The following PKLR variants were observed in gnomAD, a reference collection of about 807,000 sequenced individuals.
PKLR encodes the protein pyruvate kinase PKLR.
A neutral mutation model predicts 53.6 loss-of-function variants in PKLR; 38 were observed. The observed-to-expected ratio is 0.71, with a 90% confidence interval of 0.55 to 0.93. The LOEUF (loss-of-function observed/expected upper bound fraction) is 0.93. Ranked by LOEUF, PKLR falls within the 40% of genes least tolerant of loss-of-function variation. PKLR has a pLI of 0.00. For missense variants in PKLR, 702 were observed against 787.3 expected, an observed-to-expected ratio of 0.89 and a Z score of 1.30; for synonymous variants, 328 against 316.2, an observed-to-expected ratio of 1.04 and a Z score of -0.39.
rs1367875373 is a variant in PKLR at position 155,293,467 on chromosome 1, G to A, written c.1240C>T (p.Pro414Ser). The change falls in exon 8 of 11, where the codon CCT becomes TCT. Residue 414 changes from proline to serine, a missense_variant. Pro to Ser is a moderately conservative substitution (Grantham distance 74). Transcript: ENST00000342741. The surrounding 1 kb of genome is among the most constrained non-coding windows in gnomAD (Gnocchi z 4.2). ...LSGETAKGNF[P>S]VEAVKMQHAI... ...TGCTGCATCTTCACCGCTTCCACAG[G>A]GAAGTTGCCCTTGGCAGTCTCCCCT... The A allele has an allele frequency of 1.2e-6, 2 of 1,614,212 alleles. No individual in the cohort carries two copies. Among genetic ancestry groups the A allele is most frequent in the Admixed American group, 3.3e-5 (2 of 60,026 alleles).
At chr1:155,299,574 T>C (rs1458756327) in intron 2 of PKLR, among the ~76,000 whole-genome samples, 1 of 129,826 alleles carries the variant, frequency 7.7e-6, no homozygotes, top group Non-Finnish European at 1.6e-5. Context: ...TGGTGTGATC[T>C]CGGCTCACCA....
Position 155,291,853 on chromosome 1 carries a change from G to C in PKLR, c.1521C>G (p.His507Gln). The change falls in exon 10 of 11, where the codon CAC becomes CAG. Residue 507 changes from histidine (H) to glutamine (Q), a missense_variant. His to Gln is a conservative substitution (Grantham distance 24, BLOSUM62 0). Around this residue, in one of 2 missense-constraint regions of PKLR, gnomAD observed 183 missense variants for 250.2 expected, o/e 0.73. Coordinates refer to ENST00000342741, the MANE Select transcript of PKLR (RefSeq NM_000298.6). ...TRSAQAARQV[H>Q]LCRGVFPLLY... ...GCAAGGGGAAGACTCCTCGGCATAA[G>C]TGGACCTGGCGGGCAGCCTGGGCAG... 6.2e-7 allele frequency: 1 copy of C among 1,614,140 alleles called. No individual in the cohort carries two copies.
At chr1:155,303,859 G>A (rs913475972), upstream of PKLR, among the ~76,000 whole-genome samples, 47 of 152,210 alleles carry the variant, frequency 3.1e-4, no homozygotes, top group African/African-American at 1.1e-3. Context: ...TTTTGAAGCT[G>A]AAATTTGAAG....
intron 1 of PKLR, 132 bp from the exon 2 acceptor site, chr1:155,300,412 C>T (rs1647924524): frequency 1.4e-6 from 1 of 717,376 alleles, no homozygotes; most frequent in African/African-American, 1.8e-5. Context: ...TATTATGTCA[C>T]AAGGATCCTA....
chr1:155,301,391 G>A lies in PKLR; in HGVS notation c.5C>T (p.Ser2Leu), dbSNP rs774176341. ...CAGGGATGATATGTTCTCCTGGATC[G>A]ACATGCTTTCAGTGTGGGCCTGGGG... Reference protein sequence around the residue: MSIQENISSLQL... With the variant: MLIQENISSLQL... The change falls in exon 1 of 11, where the codon TCG becomes TTG. Residue 2 changes from serine to leucine, a missense_variant. Around this residue, in one of 2 missense-constraint regions of PKLR, gnomAD observed 519 missense variants for 537.1 expected, o/e 0.97. Transcript: ENST00000342741. 5 of 1,613,812 alleles carry A rather than the reference G, an allele frequency of 3.1e-6. No individual in the cohort carries two copies. Among genetic ancestry groups the A allele is most frequent in the Admixed American group, 1.7e-5 (1 of 59,976 alleles).
chr1:155,299,489 C>T (rs1471569343), intron 2 of PKLR, among the ~76,000 whole-genome samples: 1 of 119,158 alleles, frequency 8.4e-6, no homozygotes, highest in Non-Finnish European at 1.7e-5. Context: ...GAGCCCAGCC[C>T]ACTTTTTTTT....
upstream of PKLR, among the ~76,000 whole-genome samples, chr1:155,304,374 C>A (rs554839342): frequency 4.4e-5 from 6 of 137,858 alleles, no homozygotes; most frequent in Admixed American, 1.7e-4. Flanking sequence ...GCAGAGGTTG[C>A]AGTGAGCCGA....
chr1:155,290,834 C>T (rs143970593), intron 10 of PKLR, among the ~76,000 whole-genome samples, 156 bp from the exon 11 acceptor site: 3,347 of 151,596 alleles, frequency 0.022, 125 homozygotes, highest in African/African-American at 0.077. Context: ...ACTGAAAATA[C>T]AAAAATTAGC....
Position 155,294,500 on chromosome 1 carries a change from T to C in PKLR, c.947A>G (p.Asn316Ser). ...GCCTCACCTCTTCACGCCTTCGTGG[T>C]TCTCAATTTTGCTGATGATCTTGAT... ...HGIKIISKIE[N>S]HEGVKRFDEI... is the part of the protein sequence containing the mutation. Residue 316 changes from asparagine (N) to serine (S), a missense_variant, in exon 6 of 11, where the codon AAC (asparagine) becomes AGC (serine). By Grantham distance (46) the Asn-to-Ser change is conservative (BLOSUM62 1). Transcript: ENST00000342741. The C allele has an allele frequency of 1.9e-6, 3 of 1,614,174 alleles. No individual in the cohort carries two copies. The highest frequency in any genetic ancestry group is 2.5e-6 in the Non-Finnish European group (3 of 1,180,020).
chr1:155,304,460 G>A (rs199868037), upstream of PKLR, among the ~76,000 whole-genome samples: 5 of 87,182 alleles, frequency 5.7e-5, no homozygotes, highest in Non-Finnish European at 2.4e-5. Flanking sequence ...AAAAAAAAAA[G>A]AACAGATGGT....
Position 155,295,744 on chromosome 1 carries a change from C to T in PKLR, c.296G>A (p.Arg99His), listed in dbSNP as rs534895384. ...SIIATIGPASRSVERLKEMIK... is the reference protein window; with the variant it reads ...SIIATIGPASHSVERLKEMIK... ...CATCTCCTTGAGGCGCTCCACGGAG[C>T]GAGATGCTGGCCCTAGAACCAGAGA... Residue 99 changes from arginine to histidine, a missense_variant, in exon 3 of 11, where the codon CGC (arginine) becomes CAC (histidine). Physicochemically the swap from Arg to His is conservative, Grantham distance 29. Coordinates refer to ENST00000342741, the MANE Select transcript of PKLR (RefSeq NM_000298.6). This position sits in a 1 kb window ranked among gnomAD's most constrained non-coding sequence, Gnocchi z 4.3. 5.0e-6 allele frequency: 8 copies of T among 1,613,782 alleles called. No homozygotes were observed. In the South Asian group the frequency reaches 5.5e-5, roughly 11 times the overall value.
At chr1:155,302,237 C>CTTTTTTT (rs35615990), upstream of PKLR, among the ~76,000 whole-genome samples, 1 of 118,956 alleles carries the variant, frequency 8.4e-6, no homozygotes, top group Non-Finnish European at 1.7e-5. Context: ...CTTTTCTTTT[C>CTTTTTTT]TTTTTTTTTT....
upstream of PKLR, among the ~76,000 whole-genome samples, chr1:155,304,847 T>C (rs757251735): frequency 6.6e-6 from 1 of 152,242 alleles, no homozygotes; most frequent in Non-Finnish European, 1.5e-5. Context: ...TCATGCCTCA[T>C]GGACACCATC....
chr1:155,291,485 ACT>A (rs1468266256), intron 10 of PKLR, among the ~76,000 whole-genome samples: 5 of 149,922 alleles, frequency 3.3e-5, no homozygotes, highest in African/African-American at 7.4e-5. Flanking sequence ...ACAGAGCAAG[ACT>A]CTCTCTCAAA....
chr1:155,303,854 A>C (rs1235774935), upstream of PKLR, among the ~76,000 whole-genome samples: 1 of 152,080 alleles, frequency 6.6e-6, no homozygotes, highest in Non-Finnish European at 1.5e-5. Context: ...GATTATTTTG[A>C]AGCTGAAATT....
intron 2 of PKLR, among the ~76,000 whole-genome samples, chr1:155,297,432 G>T (rs921809107): frequency 6.6e-6 from 1 of 151,188 alleles, no homozygotes; most frequent in South Asian, 2.1e-4. Flanking sequence ...TTTCTTTCTC[G>T]CCCACACTCC....
chr1:155,297,284 C>CT (rs1262614255), intron 2 of PKLR, among the ~76,000 whole-genome samples: 3 of 152,152 alleles, frequency 2.0e-5, no homozygotes, highest in Non-Finnish European at 4.4e-5. Flanking sequence ...TAATAAGCAT[C>CT]TCAGACTCAA....
chr1:155,296,037 T>C (rs1647575062), intron 2 of PKLR, among the ~76,000 whole-genome samples: 2 of 151,844 alleles, frequency 1.3e-5, no homozygotes, highest in South Asian at 4.2e-4. Flanking sequence ...TGGGCATGGG[T>C]ATGTAAGTGC....
chr1:155,298,684 C>T (rs1490438508), intron 2 of PKLR, among the ~76,000 whole-genome samples: 2 of 151,676 alleles, frequency 1.3e-5, no homozygotes, highest in Non-Finnish European at 2.9e-5. Context: ...TCTTGTTGCC[C>T]AAACTGGAGT....
Sources: gnomAD v4.1 joint callset for allele counts (sites outside exome capture counted in the v4.1 genomes callset) on GRCh38, gnomAD v4.1.1 for gene constraint, gnomAD v4.1.1 regional missense constraint, Gnocchi (gnomAD v3.1) non-coding constraint, MANE v1.5 for transcripts, NCBI Gene and HGNC (gene_info 2026-07-23, HGNC 2026-07-21) for gene names.